TRPM6: variants seen among roughly 807,000 people sequenced by gnomAD.
TRPM6 encodes transient receptor potential cation channel subfamily M member 6.
In TRPM6, 111 loss-of-function variants were observed where a neutral mutation model predicts 247.6. The observed-to-expected ratio is 0.45, with a 90% confidence interval of 0.38 to 0.52. TRPM6 has a LOEUF of 0.52. Ranked by LOEUF, TRPM6 falls within the 20% of genes least tolerant of loss-of-function variation. The pLI, the probability that TRPM6 is intolerant of heterozygous loss-of-function variation, is 0.00. For synonymous variants in TRPM6, 892 were observed against 853.8 expected, an observed-to-expected ratio of 1.04 and a Z score of -0.78; for missense variants, 2,126 against 2,421.5, an observed-to-expected ratio of 0.88 and a Z score of 2.56.
At chr9:74,732,361 A>G (rs572994005) in intron 37 of TRPM6, among the ~76,000 whole-genome samples, 4 of 152,336 alleles carry the variant, frequency 2.6e-5, no homozygotes, top group East Asian at 1.9e-4. Flanking sequence ...TGCTTCTCCT[A>G]TGACACTGCT....
intron 6 of TRPM6, among the ~76,000 whole-genome samples, chr9:74,830,401 G>A (rs1829502879): frequency 6.6e-6 from 1 of 151,232 alleles, no homozygotes; most frequent in Admixed American, 6.6e-5. Context: ...TGTTTGTTTT[G>A]TTTTTTTCTT....
intron 6 of TRPM6, among the ~76,000 whole-genome samples, chr9:74,832,830 C>T (rs938589537): frequency 3.9e-5 from 6 of 152,138 alleles, no homozygotes; most frequent in African/African-American, 1.4e-4. Flanking sequence ...GCAGGCAGAT[C>T]ATCTGAGGTC....
chr9:74,728,019 C>A (rs928628516), intron 38 of TRPM6, among the ~76,000 whole-genome samples: 2 of 152,092 alleles, frequency 1.3e-5, no homozygotes, highest in Non-Finnish European at 2.9e-5. Context: ...AAGTATTGGG[C>A]CCCAAGTTGT....
chr9:74,750,525 T>A lies in TRPM6; in HGVS notation c.5057+139A>T, dbSNP rs1292327294. The A allele has an allele frequency of 8.9e-6, 7 of 789,032 alleles. No homozygotes were observed. In the East Asian group the frequency reaches 1.6e-4, roughly 18 times the overall value. 48.9% of individuals were successfully genotyped at this position (789,032 alleles called of 1,614,324 possible). A position where few individuals can be genotyped will look rare whatever the true frequency, so the allele number is the denominator to read the frequency against. ...CTTGGAGAAGAAATCATTTTCATTC[T>A]GCTAACAAGAGAAAAGTATTGTCAT... On this transcript the variant is annotated intron_variant, in intron 30 of 38. Transcript: ENST00000360774.
intron 36 of TRPM6, among the ~76,000 whole-genome samples, chr9:74,734,308 A>G (rs1033496001): frequency 1.3e-5 from 2 of 152,242 alleles, no homozygotes; most frequent in African/African-American, 4.8e-5. Flanking sequence ...TGTAAATTTT[A>G]GTGTATTTCT....
chr9:74,737,942 CCT>C (rs1280496741), intron 36 of TRPM6, among the ~76,000 whole-genome samples: 1 of 152,060 alleles, frequency 6.6e-6, no homozygotes, highest in Non-Finnish European at 1.5e-5. Context: ...TGCTGTGTTG[CCT>C]CTCTCAGTCT....
intron 3 of TRPM6, among the ~76,000 whole-genome samples, chr9:74,846,340 T>C (rs1199740284): frequency 6.6e-6 from 1 of 152,174 alleles, no homozygotes; most frequent in Non-Finnish European, 1.5e-5. Flanking sequence ...TAAAGGGAAA[T>C]TCATATTTCT....
chr9:74,852,015 G>A (rs1010298280), intron 3 of TRPM6, among the ~76,000 whole-genome samples: 1 of 151,524 alleles, frequency 6.6e-6, no homozygotes, highest in African/African-American at 2.4e-5. Context: ...ATGCCAGGAG[G>A]GGGGTAGCTA....
chr9:74,873,242 C>T (rs1396728363), intron 1 of TRPM6, among the ~76,000 whole-genome samples: 2 of 152,184 alleles, frequency 1.3e-5, no homozygotes, highest in African/African-American at 2.4e-5. Flanking sequence ...TCCTAGAAAA[C>T]TTCTGGAAAC....
At chr9:74,854,830 C>T (rs1322582958) in intron 3 of TRPM6, among the ~76,000 whole-genome samples, 1 of 152,028 alleles carries the variant, frequency 6.6e-6, no homozygotes, top group African/African-American at 2.4e-5. Flanking sequence ...AGTCCCGCTA[C>T]AATTTTTTGG....
intron 9 of TRPM6, 64 bp from the exon 10 acceptor site, chr9:74,817,028 G>A (rs1340405578): frequency 7.3e-7 from 1 of 1,361,448 alleles, no homozygotes; most frequent in Non-Finnish European, 1.1e-6. Flanking sequence ...CTTTCAAAGA[G>A]TACCCACAGA....
intron 3 of TRPM6, among the ~76,000 whole-genome samples, chr9:74,844,261 A>G (rs1830037840): frequency 6.6e-6 from 1 of 152,224 alleles, no homozygotes; most frequent in South Asian, 2.1e-4. Context: ...CAAGAGAGTC[A>G]GCCTGTCCTT....
intron 21 of TRPM6, among the ~76,000 whole-genome samples, chr9:74,785,097 A>T (rs1010585376): frequency 6.6e-6 from 1 of 152,138 alleles, no homozygotes; most frequent in Non-Finnish European, 1.5e-5. Context: ...ACAGAGCAAG[A>T]CCCTGTCTCA....
chr9:74,837,906 C>T (rs1829786149), intron 5 of TRPM6, among the ~76,000 whole-genome samples: 1 of 152,108 alleles, frequency 6.6e-6, no homozygotes, highest in South Asian at 2.1e-4. Context: ...CACACCACCA[C>T]ATCCAGCTAA....
intron 21 of TRPM6, 59 bp from the exon 22 acceptor site, chr9:74,782,912 C>G (rs1224810232): frequency 2.3e-5 from 35 of 1,495,788 alleles, no homozygotes; most frequent in Non-Finnish European, 3.2e-5. Flanking sequence ...CAAAAGAAAC[C>G]AAACACCAGC....
At chr9:74,856,842 T>TA (rs1481223648) in intron 2 of TRPM6, among the ~76,000 whole-genome samples, 4 of 151,810 alleles carry the variant, frequency 2.6e-5, no homozygotes, top group South Asian at 2.1e-4. Flanking sequence ...TACTAGGATC[T>TA]AAAAAAAAGG....
intron 3 of TRPM6, among the ~76,000 whole-genome samples, chr9:74,853,863 A>AT (rs1830444331): frequency 6.6e-6 from 1 of 152,144 alleles, no homozygotes; most frequent in African/African-American, 2.4e-5. Context: ...ATAAATACTA[A>AT]AAAAATAAAA....
rs12350180 is a variant in TRPM6, at chr9:74,802,302, T to C, written c.1732-127A>G. ...ACTAAAAAAGAGATGGAAATAATAATAAGATTTTACAAGCCAGCAAGCAAA... is the reference window on the plus strand; with the variant it reads ...ACTAAAAAAGAGATGGAAATAATAACAAGATTTTACAAGCCAGCAAGCAAA... On this transcript the variant is annotated intron_variant, in intron 15 of 38. Coordinates refer to ENST00000360774, the MANE Select transcript of TRPM6 (RefSeq NM_017662.5). 1.9e-3 allele frequency: 1,671 copies of C among 897,156 alleles called. 25 individuals are homozygous for C. The African/African-American group carries it at 0.024, about 13-fold the overall frequency. 55.6% of individuals were successfully genotyped at this position (897,156 alleles called of 1,614,324 possible). A position where few individuals can be genotyped will look rare whatever the true frequency, so the allele number is the denominator to read the frequency against.
intron 1 of TRPM6, among the ~76,000 whole-genome samples, chr9:74,860,680 G>A (rs1261854128): frequency 1.3e-5 from 2 of 152,036 alleles, no homozygotes; most frequent in African/African-American, 2.4e-5. Context: ...AACTTAAAAG[G>A]AACTAAATGA....
Sources: gnomAD v4.1 joint callset for allele counts (sites outside exome capture counted in the v4.1 genomes callset) on GRCh38, gnomAD v4.1.1 for gene constraint, MANE v1.5 for transcripts, NCBI Gene and HGNC (gene_info 2026-07-23, HGNC 2026-07-21) for gene names.